Variants in GOLGB1 observed in about 807,000 individuals in gnomAD.
GOLGB1 encodes golgin subfamily B member 1.
GOLGB1 carries 174 observed loss-of-function variants against 336.9 expected under a neutral mutation model. The ratio of observed to expected loss-of-function variants is 0.52; its 90% confidence interval spans 0.46 to 0.59. The LOEUF is 0.59. Among genes scored for constraint, GOLGB1 ranks in the 20% least tolerant of loss-of-function variants. GOLGB1 has a pLI of 0.00. For missense variants in GOLGB1, 3,331 were observed against 3,645.3 expected (o/e 0.91, Z 2.22); for synonymous variants, 1,208 against 1,289.2 (o/e 0.94, Z 1.35).
intron 17 of GOLGB1, among the ~76,000 whole-genome samples, chr3:121,673,723 C>T (rs997292871): frequency 6.6e-6 from 1 of 151,608 alleles, no homozygotes; most frequent in Non-Finnish European, 1.5e-5. Flanking sequence ...ATCTATCTAT[C>T]TATCTATCTA....
intron 1 of GOLGB1, among the ~76,000 whole-genome samples, chr3:121,745,615 T>C (rs1947234875): frequency 6.6e-6 from 1 of 152,130 alleles, no homozygotes; most frequent in South Asian, 2.1e-4. Flanking sequence ...GTCATATTCA[T>C]AGTCATAAAT....
At chr3:121,667,331 T>C (rs1938767801) in intron 20 of GOLGB1, 145 bp downstream of exon 20, 1 of 763,688 alleles carries the variant, frequency 1.3e-6, no homozygotes, top group Admixed American at 2.5e-5. Context: ...TTCTCTTGGG[T>C]GACCACAATG....
intron 7 of GOLGB1, among the ~76,000 whole-genome samples, chr3:121,718,953 A>C (rs1944979844): frequency 6.6e-6 from 1 of 152,212 alleles, no homozygotes; most frequent in South Asian, 2.1e-4. Context: ...GCAATGATAC[A>C]CATATACAAT....
At chr3:121,721,240 T>G (rs1239189409) in intron 6 of GOLGB1, among the ~76,000 whole-genome samples, 1 of 151,562 alleles carries the variant, frequency 6.6e-6, no homozygotes, top group East Asian at 1.9e-4. Context: ...ATACTACAAA[T>G]TATTAATAAA....
intron 14 of GOLGB1, among the ~76,000 whole-genome samples, chr3:121,688,250 G>A (rs1248780671): frequency 6.6e-6 from 1 of 152,162 alleles, no homozygotes; most frequent in East Asian, 1.9e-4. Flanking sequence ...AAGCTGGACT[G>A]TACTGCTGCC....
At position 121,693,944 on chromosome 3, in the gene GOLGB1, T is replaced by C. The variant is rs1199131332; in HGVS notation, c.6579A>G (p.Ala2193=). The C allele has an allele frequency of 6.2e-7, 1 of 1,614,054 alleles. No homozygotes were observed. The highest frequency in any genetic ancestry group is 1.3e-5 in the African/African-American group (1 of 74,958). ...GGGAAGACATGCTCTTAGTAAAGGC[T>C]GCAAGCTGGGTCACAGTACTGTCCA... ...ENLDSTVTQL[A]AFTKSMSSLQ... is the part of the protein sequence containing the mutation. Residue 2193 remains alanine (A), a synonymous_variant, in exon 13 of 22, where the codon GCA becomes GCG. Transcript: ENST00000614479.
At position 121,723,979 on chromosome 3, in the gene GOLGB1, C is replaced by A. The variant is rs540308843; in HGVS notation, c.532-1601G>T. ...ACCCTCACCAGATGCAGCCTCTCAC[C>A]CTTGGTCTTCTCAGCCTCCATAACT... On this transcript the variant is annotated intron_variant, in intron 5 of 21. Coordinates refer to ENST00000614479, the MANE Select transcript of GOLGB1 (RefSeq NM_001366282.2). Among the ~76,000 whole-genome samples the A allele has an allele frequency of 3.3e-5, 5 of 152,296 alleles. No individual in the cohort carries two copies. The South Asian group carries it at 1.0e-3, about 32-fold the overall frequency.
chr3:121,694,837 C>T lies in GOLGB1; in HGVS notation c.5686G>A (p.Val1896Ile). The T allele has an allele frequency of 6.2e-7, 1 of 1,613,816 alleles. No homozygotes were observed. Among genetic ancestry groups the T allele is most frequent in the Non-Finnish European group, 8.5e-7 (1 of 1,179,942 alleles). Residue 1896 changes from valine to isoleucine, a missense_variant, in exon 13 of 22, where the codon GTA becomes ATA. Physicochemically the swap from Val to Ile is conservative, Grantham distance 29 (BLOSUM62 3). Transcript: ENST00000614479. ...TGATTTAACAGGTTCATTTTGGTTA[C>T]TTCCTCCTGAAGCATTTTTAGTTCA... ...DGELKMLQEE[V>I]TKMNLLNQQI...
chr3:121,713,378 T>C (rs965008680), intron 10 of GOLGB1, among the ~76,000 whole-genome samples: 19 of 152,202 alleles, frequency 1.2e-4, no homozygotes, highest in Admixed American at 3.3e-4. Flanking sequence ...TGTCCATCAA[T>C]AGGAAAATGC....
At chr3:121,732,301 G>A (rs904538703) in intron 1 of GOLGB1, among the ~76,000 whole-genome samples, 2 of 152,136 alleles carry the variant, frequency 1.3e-5, no homozygotes, top group East Asian at 1.9e-4. Flanking sequence ...AACATTTAAG[G>A]AATAATACCA....
At chr3:121,677,498 G>A (rs1940563834) in intron 15 of GOLGB1, 48 bp from the exon 16 acceptor site, 8 of 1,308,642 alleles carry the variant, frequency 6.1e-6, no homozygotes, top group Non-Finnish European at 8.8e-6. Flanking sequence ...CTTGTAACTG[G>A]GCATGGTAGC....
Position 121,741,791 on chromosome 3 carries a change from G to C in GOLGB1, c.-3+7841C>G, listed in dbSNP as rs367550849. Reference sequence around the variant, plus strand: ...AGGCTTAAAAGTAATGACAAACTGAGAAGCAATGAATATCTCTAGTGCCTA... The same window carrying C: ...AGGCTTAAAAGTAATGACAAACTGACAAGCAATGAATATCTCTAGTGCCTA... On this transcript the variant is annotated intron_variant, in intron 1 of 21. Coordinates refer to ENST00000614479, the MANE Select transcript of GOLGB1 (RefSeq NM_001366282.2). Among the ~76,000 whole-genome samples the C allele has an allele frequency of 1.6e-4, 24 of 152,158 alleles. No individual in the cohort carries two copies. In the East Asian group the frequency reaches 3.3e-3, roughly 21 times the overall value.
At position 121,730,020 on chromosome 3, in the gene GOLGB1, A is replaced by T. The variant is rs1334368754; in HGVS notation, c.97-3T>A. The T allele has an allele frequency of 1.9e-6, 3 of 1,602,698 alleles. No homozygotes were observed. The highest frequency in any genetic ancestry group is 2.6e-6 in the Non-Finnish European group (3 of 1,175,160). On this transcript the variant is annotated splice_region_variant and splice_polypyrimidine_tract_variant and intron_variant, in intron 2 of 21. Coordinates refer to ENST00000614479, the MANE Select transcript of GOLGB1 (RefSeq NM_001366282.2). ...ATGTCAGATTCTTGGTGTAATTCCT[A>T]ATATTTAGGAAAAAAGTTGCCAGTG... is the stretch of plus-strand genomic sequence containing the variant.
intron 1 of GOLGB1, among the ~76,000 whole-genome samples, chr3:121,737,607 G>A (rs868201679): frequency 1.4e-4 from 21 of 149,032 alleles, no homozygotes; most frequent in African/African-American, 5.2e-4. Flanking sequence ...GCCAAGATTC[G>A]CACCACTGCA....
chr3:121,715,448 C>T (rs909252004), intron 9 of GOLGB1, among the ~76,000 whole-genome samples: 1 of 150,332 alleles, frequency 6.7e-6, no homozygotes, highest in Non-Finnish European at 1.5e-5. Context: ...AACTCCTGAC[C>T]TCAGGTAATC....
At chr3:121,742,290 CA>C (rs1195381349) in intron 1 of GOLGB1, among the ~76,000 whole-genome samples, 1 of 152,132 alleles carries the variant, frequency 6.6e-6, no homozygotes, top group Non-Finnish European at 1.5e-5. Flanking sequence ...TGGAACAGAA[CA>C]GAGCCCTCAG....
At chr3:121,688,347 G>C (rs1436316861) in intron 14 of GOLGB1, among the ~76,000 whole-genome samples, 2 of 152,212 alleles carry the variant, frequency 1.3e-5, no homozygotes, top group Non-Finnish European at 2.9e-5. Context: ...CGCCACGCCT[G>C]ACTGGTTTTC....
At chr3:121,729,641 T>A (rs1195047441) in intron 3 of GOLGB1, among the ~76,000 whole-genome samples, 1 of 152,076 alleles carries the variant, frequency 6.6e-6, no homozygotes, top group Non-Finnish European at 1.5e-5. Context: ...GATCTCGAAC[T>A]CCTGGCCTCA....
intron 21 of GOLGB1, 38 bp downstream of exon 21, chr3:121,664,888 A>G: frequency 8.0e-7 from 1 of 1,248,286 alleles, no homozygotes; most frequent in South Asian, 1.2e-5. Context: ...GCCCTGTCAG[A>G]TAATAAAACA....
Sources: gnomAD v4.1 joint callset for allele counts (sites outside exome capture counted in the v4.1 genomes callset) on GRCh38, gnomAD v4.1.1 for gene constraint, MANE v1.5 for transcripts, NCBI Gene and HGNC (gene_info 2026-07-23, HGNC 2026-07-21) for gene names.